The following AFF2 variants were observed in gnomAD, a reference collection of about 807,000 sequenced individuals.
AFF2 encodes the protein AF4/FMR2 family member 2.
Under a neutral mutation model 76.9 loss-of-function variants are expected in AFF2, and 14 were observed. The observed-to-expected ratio is 0.18, with a 90% CI of 0.12 to 0.28. AFF2 has a LOEUF of 0.28. AFF2 is among the 10% of genes least tolerant of loss of function. The pLI is 1.00. For missense variants in AFF2, 868 were observed against 1,001.1 expected, an observed-to-expected ratio of 0.87 and a Z score of 1.79; for synonymous variants, 398 against 366.7, an observed-to-expected ratio of 1.09 and a Z score of -0.98.
intron 1 of AFF2, among the ~76,000 whole-genome samples, chrX:148,649,229 A>G (rs782469604): frequency 2.7e-4 from 30 of 112,196 alleles, no homozygotes; most frequent in Non-Finnish European, 3.9e-4. Context: ...CCTCATAATT[A>G]TAAACTGCAG....
At chrX:148,985,783 T>C (rs2072463547) in intron 19 of AFF2, among the ~76,000 whole-genome samples, 1 of 110,336 alleles carries the variant, frequency 9.1e-6, no homozygotes, top group East Asian at 2.9e-4. Flanking sequence ...GCAGAAACAC[T>C]CTCGAACCCA....
At position 148,830,856 on chromosome X, in the gene AFF2, A is replaced by G. The variant is rs1183715764; in HGVS notation, c.1087-6791A>G. 1.2e-4 allele frequency among the ~76,000 whole-genome samples: 13 copies of G among 111,359 alleles called. No homozygotes were observed. The Admixed American group carries it at 1.2e-3, about 11-fold the overall frequency. ...CAACTGGTCTGACCAAAATTTATTAAGCGGGAATTTCCTCATCCTAATAAG... is the reference window on the plus strand; with the variant it reads ...CAACTGGTCTGACCAAAATTTATTAGGCGGGAATTTCCTCATCCTAATAAG... On this transcript the variant is annotated intron_variant, in intron 4 of 20. Coordinates refer to ENST00000370460, the MANE Select transcript of AFF2 (RefSeq NM_002025.4).
intron 1 of AFF2, among the ~76,000 whole-genome samples, chrX:148,515,809 A>T (rs1015298348): frequency 1.8e-5 from 2 of 111,539 alleles, no homozygotes; most frequent in Non-Finnish European, 3.8e-5. Context: ...GCAGTGGTAT[A>T]GGATCTTAGA....
intron 7 of AFF2, among the ~76,000 whole-genome samples, chrX:148,856,581 G>A (rs987106015): frequency 9.0e-6 from 1 of 111,300 alleles, no homozygotes; most frequent in Middle Eastern, 4.2e-3. Flanking sequence ...CAGAGGTAGT[G>A]GAGCAAATAC....
chrX:148,634,505 G>C (rs2054010075), intron 1 of AFF2, among the ~76,000 whole-genome samples: 1 of 111,575 alleles, frequency 9.0e-6, no homozygotes, highest in African/African-American at 3.3e-5. Context: ...CATATGAATA[G>C]AAAACATTTC....
chrX:148,606,112 C>T (rs1557248756), intron 1 of AFF2, among the ~76,000 whole-genome samples: 2 of 112,237 alleles, frequency 1.8e-5, no homozygotes, highest in Non-Finnish European at 3.8e-5. Flanking sequence ...GGCATAACTC[C>T]ACATATAATC....
At chrX:148,975,726 C>T (rs1021747999) in intron 16 of AFF2, among the ~76,000 whole-genome samples, 1 of 107,105 alleles carries the variant, frequency 9.3e-6, no homozygotes, top group Non-Finnish European at 1.9e-5. Context: ...GGGCGGATCA[C>T]GAGGTCAGGA....
intron 3 of AFF2, among the ~76,000 whole-genome samples, chrX:148,726,537 C>G (rs1471758826): frequency 3.6e-5 from 4 of 111,977 alleles, no homozygotes; most frequent in Non-Finnish European, 7.5e-5. Context: ...CACATACCAT[C>G]CTTTTGTCCC....
At chrX:148,530,094 G>A (rs1557235670) in intron 1 of AFF2, among the ~76,000 whole-genome samples, 2 of 111,542 alleles carry the variant, frequency 1.8e-5, no homozygotes, top group Non-Finnish European at 3.8e-5. Context: ...TGCCTGGCAT[G>A]TGGCAATACC....
chrX:148,757,679 T>A (rs1044576288), intron 3 of AFF2, among the ~76,000 whole-genome samples: 3 of 111,742 alleles, frequency 2.7e-5, no homozygotes, highest in African/African-American at 9.8e-5. Context: ...TCATTTCTGG[T>A]AAAATGAGAA....
At chrX:148,934,561 A>G (rs1479833650) in intron 9 of AFF2, among the ~76,000 whole-genome samples, 1 of 112,489 alleles carries the variant, frequency 8.9e-6, no homozygotes, top group Non-Finnish European at 1.9e-5. Flanking sequence ...TATAAGAATT[A>G]ATTCCAAGTC....
intron 3 of AFF2, among the ~76,000 whole-genome samples, chrX:148,698,797 G>GTTTTTTTTTTTTTTTTTTTT (rs142604433): frequency 4.2e-5 from 3 of 71,714 alleles, no homozygotes; most frequent in Non-Finnish European, 8.1e-5. Context: ...GAGTTCTAGT[G>GTTTTTTTTTTTTTTTTTTTT]TTTTTTTTTT....
At chrX:148,901,575 T>A (rs1417423796) in intron 8 of AFF2, among the ~76,000 whole-genome samples, 4 of 112,348 alleles carry the variant, frequency 3.6e-5, no homozygotes, top group African/African-American at 1.3e-4. Context: ...CCTTTTGCAG[T>A]GTGTCTCACA....
intron 7 of AFF2, among the ~76,000 whole-genome samples, chrX:148,863,032 A>C (rs1005958107): frequency 2.7e-5 from 3 of 111,336 alleles, no homozygotes; most frequent in Non-Finnish European, 3.8e-5. Context: ...TATAATACGC[A>C]TGTTTGGAAT....
Position 148,994,937 on chromosome X carries a change from A to G in AFF2, c.*3605A>G, listed in dbSNP as rs1024094314. On this transcript the variant is annotated 3_prime_UTR_variant, in exon 21 of 21. Coordinates refer to ENST00000370460, the MANE Select transcript of AFF2 (RefSeq NM_002025.4). ...GAACCAAACTGGATCACTGGGTAAGACTACTCAGTAAAGCAATGAACTGCT... is the reference window on the plus strand; with the variant it reads ...GAACCAAACTGGATCACTGGGTAAGGCTACTCAGTAAAGCAATGAACTGCT... The G allele has an allele frequency of 3.6e-5, 4 of 112,046 alleles. No individual in the cohort carries two copies. The Admixed American group carries it at 3.8e-4, about 11-fold the overall frequency. 9.2% of individuals were successfully genotyped at this position (112,046 alleles called of 1,213,427 possible).
intron 1 of AFF2, among the ~76,000 whole-genome samples, chrX:148,542,852 C>T (rs1383118813): frequency 1.8e-5 from 2 of 112,257 alleles, no homozygotes; most frequent in Non-Finnish European, 3.8e-5. Context: ...ATTCATTGAG[C>T]AGTCTATCTT....
intron 3 of AFF2, among the ~76,000 whole-genome samples, chrX:148,773,089 T>TA (rs1402920382): frequency 1.8e-5 from 2 of 109,610 alleles, no homozygotes; most frequent in African/African-American, 6.6e-5. Context: ...AAAAAGAAAG[T>TA]AAAAAAATAA....
At chrX:148,563,094 A>C (rs1557241001) in intron 1 of AFF2, among the ~76,000 whole-genome samples, 1 of 111,115 alleles carries the variant, frequency 9.0e-6, no homozygotes, top group Non-Finnish European at 1.9e-5. Context: ...TTTCAAGGAG[A>C]CAGCAGTGCA....
At chrX:148,930,811 C>G (rs1185107191) in intron 9 of AFF2, among the ~76,000 whole-genome samples, 1 of 112,292 alleles carries the variant, frequency 8.9e-6, no homozygotes, top group Admixed American at 9.4e-5. Flanking sequence ...TAAGGCAGTG[C>G]TATTTCTGCA....
Sources: gnomAD v4.1 joint callset for allele counts (sites outside exome capture counted in the v4.1 genomes callset) on GRCh38, gnomAD v4.1.1 for gene constraint, MANE v1.5 for transcripts, NCBI Gene and HGNC (gene_info 2026-07-23, HGNC 2026-07-21) for gene names.